Variants in ZBBX observed in about 807,000 individuals in gnomAD.
ZBBX encodes the protein zinc finger B-box domain containing.
Under a neutral mutation model 108.5 loss-of-function variants are expected in ZBBX, and 101 were observed. That is an observed-to-expected ratio of 0.93 (90% CI 0.79 to 1.10). ZBBX has a LOEUF of 1.10. ZBBX is among the 50% of genes least tolerant of loss of function. The pLI, the probability that ZBBX is intolerant of heterozygous loss-of-function variation, is 0.00. For synonymous variants in ZBBX, 356 were observed against 323.4 expected (o/e 1.10, Z -1.08); for missense variants, 1,009 against 941.4 (o/e 1.07, Z -0.94).
intron 1 of ZBBX, among the ~76,000 whole-genome samples, chr3:167,395,057 A>G (rs1748187265): frequency 6.6e-6 from 1 of 152,038 alleles, no homozygotes; most frequent in African/African-American, 2.4e-5. Context: ...TAATACACTT[A>G]TCCTCTGAGA....
chr3:167,191,934 T>TATATAG, the ZBBX span, among the ~76,000 whole-genome samples: 23 of 130,220 alleles, frequency 1.8e-4, no homozygotes, highest in African/African-American at 3.9e-4. Flanking sequence ...TATATATATA[T>TATATAG]AGAGCAAGTT....
chr3:167,182,431 A>G, the ZBBX span, among the ~76,000 whole-genome samples: 4 of 152,232 alleles, frequency 2.6e-5, no homozygotes, highest in Admixed American at 6.5e-5. Context: ...TCTGAGCTGT[A>G]AAATCTGCAT....
chr3:167,351,499 T>C (rs1043419018), intron 8 of ZBBX, among the ~76,000 whole-genome samples: 10 of 152,036 alleles, frequency 6.6e-5, no homozygotes, highest in Non-Finnish European at 1.3e-4. Context: ...CTGCTTGGGG[T>C]CACTGGGACC....
At chr3:167,401,967 C>T (rs1748438020) in intron 1 of ZBBX, among the ~76,000 whole-genome samples, 1 of 152,010 alleles carries the variant, frequency 6.6e-6, no homozygotes, top group South Asian at 2.1e-4. Context: ...GAAAGGTGCC[C>T]ATTATAAGTA....
chr3:167,204,423 G>T, the ZBBX span, among the ~76,000 whole-genome samples: 1 of 139,958 alleles, frequency 7.1e-6, no homozygotes, highest in Non-Finnish European at 1.5e-5. Context: ...CCCAGAGTGT[G>T]ATATTCCCCT....
At chr3:167,196,688 G>A in the ZBBX span, among the ~76,000 whole-genome samples, 1 of 152,060 alleles carries the variant, frequency 6.6e-6, no homozygotes, top group African/African-American at 2.4e-5. Context: ...TCATTCATTT[G>A]CTAATACTAT....
At chr3:167,299,152 T>C (rs979985587) in intron 17 of ZBBX, among the ~76,000 whole-genome samples, 2 of 152,062 alleles carry the variant, frequency 1.3e-5, no homozygotes, top group Non-Finnish European at 2.9e-5. Flanking sequence ...TAGGAATTCA[T>C]TAGTAAGAGC....
At chr3:167,245,981 T>C (rs955464302) in intron 20 of ZBBX, among the ~76,000 whole-genome samples, 38 of 152,266 alleles carry the variant, frequency 2.5e-4, no homozygotes, top group African/African-American at 9.1e-4. Context: ...TGGGAGTAGC[T>C]TTGCCTGGGG....
At chr3:167,402,044 T>A (rs375251065) in intron 1 of ZBBX, among the ~76,000 whole-genome samples, 43 of 152,238 alleles carry the variant, frequency 2.8e-4, no homozygotes, top group African/African-American at 9.9e-4. Context: ...AGGACTTTAC[T>A]GGGTGGAAAT....
upstream of ZBBX, among the ~76,000 whole-genome samples, chr3:167,381,144 G>A (rs1008201707): frequency 2.0e-5 from 3 of 151,744 alleles, no homozygotes; most frequent in Non-Finnish European, 4.4e-5. Flanking sequence ...CATTACTTTT[G>A]ACATTACTAT....
intron 20 of ZBBX, among the ~76,000 whole-genome samples, chr3:167,279,661 G>T (rs1370296988): frequency 6.6e-6 from 1 of 151,916 alleles, no homozygotes; most frequent in Non-Finnish European, 1.5e-5. Context: ...TCATGAAAAT[G>T]GCCATACTGC....
At chr3:167,302,263 A>T (rs564441995) in intron 17 of ZBBX, among the ~76,000 whole-genome samples, 2 of 152,232 alleles carry the variant, frequency 1.3e-5, no homozygotes, top group South Asian at 4.1e-4. Context: ...ACTAATAGAA[A>T]ATCTTATTGG....
intron 20 of ZBBX, among the ~76,000 whole-genome samples, chr3:167,265,907 G>A (rs1725374614): frequency 6.6e-6 from 1 of 152,168 alleles, no homozygotes; most frequent in African/African-American, 2.4e-5. Context: ...TAGTTGATGT[G>A]CTCTCCCTCC....
chr3:167,319,365 A>G (rs1017693454), intron 12 of ZBBX, among the ~76,000 whole-genome samples: 1 of 152,056 alleles, frequency 6.6e-6, no homozygotes, highest in African/African-American at 2.4e-5. Context: ...ACGGACTAAG[A>G]AAGGGAAGAG....
chr3:167,287,950 A>C (rs1015816337), intron 19 of ZBBX, among the ~76,000 whole-genome samples: 1 of 152,164 alleles, frequency 6.6e-6, no homozygotes, highest in Non-Finnish European at 1.5e-5. Context: ...TCTTATATAG[A>C]GAGGCAAATC....
chr3:167,379,581 TG>T (rs1747501392), intron 2 of ZBBX, 56 bp downstream of exon 2: 1 of 152,208 alleles, frequency 6.6e-6, no homozygotes, highest in Non-Finnish European at 1.5e-5. Context: ...TAATGAGCCT[TG>T]TTAACTTTAG....
intron 20 of ZBBX, among the ~76,000 whole-genome samples, chr3:167,250,525 T>A (rs1208564903): frequency 1.9e-5 from 2 of 107,420 alleles, no homozygotes; most frequent in African/African-American, 8.3e-5. Flanking sequence ...TACTTAACCT[T>A]ATAAAACTTT....
intron 1 of ZBBX, among the ~76,000 whole-genome samples, chr3:167,387,382 G>A (rs1747950334): frequency 6.6e-6 from 1 of 151,984 alleles, no homozygotes; most frequent in African/African-American, 2.4e-5. Flanking sequence ...AATAGTTGGG[G>A]CTCAACAAAG....
chr3:167,247,263 C>G (rs995385014), intron 20 of ZBBX, among the ~76,000 whole-genome samples: 1 of 152,142 alleles, frequency 6.6e-6, no homozygotes, highest in Non-Finnish European at 1.5e-5. Context: ...AGCGATCATG[C>G]TGGCAAAAGA....
Sources: gnomAD v4.1 joint callset for allele counts (sites outside exome capture counted in the v4.1 genomes callset) on GRCh38, gnomAD v4.1.1 for gene constraint, MANE v1.5 for transcripts, NCBI Gene and HGNC (gene_info 2026-07-23, HGNC 2026-07-21) for gene names.